The following ESRRG variants were observed in gnomAD, a reference collection of about 807,000 sequenced individuals.
The protein encoded by ESRRG is estrogen-related receptor gamma.
In ESRRG, 13 loss-of-function variants were observed where a neutral mutation model predicts 44.0. The ratio of observed to expected loss-of-function variants is 0.30; its 90% CI spans 0.19 to 0.47. The LOEUF (loss-of-function observed/expected upper bound fraction) is 0.47. Among genes scored for constraint, ESRRG ranks in the 20% least tolerant of loss-of-function variants. The pLI is 1.00. For missense variants in ESRRG, 395 were observed against 580.6 expected, an observed-to-expected ratio of 0.68 and a Z score of 3.29; for synonymous variants, 215 against 214.6, an observed-to-expected ratio of 1.00 and a Z score of -0.02.
chr1:216,564,482 A>T, intron 4 of ESRRG, 102 bp from the exon 5 acceptor site: 1 of 850,422 alleles, frequency 1.2e-6, no homozygotes. Context: ...CAAATATCCT[A>T]CAATAAACGC....
chr1:216,601,019 T>C (rs1303620643), intron 3 of ESRRG, among the ~76,000 whole-genome samples: 1 of 152,210 alleles, frequency 6.6e-6, no homozygotes, highest in African/African-American at 2.4e-5. Context: ...CCCGGTTCTC[T>C]GCCTGGATTG....
At position 216,506,372 on chromosome 1, in the gene ESRRG, C is replaced by T; in HGVS notation, c.*567G>A. The T allele has an allele frequency of 3.4e-6, 1 of 293,310 alleles. No individual in the cohort carries two copies. 18.2% of individuals were successfully genotyped at this position (293,310 alleles called of 1,614,324 possible). A position where few individuals can be genotyped will look rare whatever the true frequency, so the allele number is the denominator to read the frequency against. ...ATCCTTTGGCAGGGCTGGCTTCCAT[C>T]TCTCTTCAGTTAGAGACCTCTTTTA... is the stretch of plus-strand genomic sequence containing the variant. On this transcript the variant is annotated 3_prime_UTR_variant, in exon 7 of 7. Transcript: ENST00000408911.
intron 4 of ESRRG, among the ~76,000 whole-genome samples, chr1:216,564,597 T>C (rs1254661445): frequency 6.6e-6 from 1 of 152,124 alleles, no homozygotes; most frequent in Non-Finnish European, 1.5e-5. Context: ...AGTCTTTTTT[T>C]TTCTTCTTTG....
chr1:216,751,673 T>G (rs1576144720), intron 2 of ESRRG, among the ~76,000 whole-genome samples: 1 of 152,264 alleles, frequency 6.6e-6, no homozygotes, highest in Non-Finnish European at 1.5e-5. Context: ...AGTTCCTGTT[T>G]CTTCCCTGAT....
intron 3 of ESRRG, among the ~76,000 whole-genome samples, chr1:216,586,089 A>G (rs2063742975): frequency 6.6e-6 from 1 of 152,144 alleles, no homozygotes; most frequent in Non-Finnish European, 1.5e-5. Context: ...TCTTAGTAAA[A>G]ACAATATCCC....
intron 2 of ESRRG, among the ~76,000 whole-genome samples, chr1:216,771,235 T>G (rs2093366015): frequency 6.6e-6 from 1 of 152,102 alleles, no homozygotes; most frequent in Non-Finnish European, 1.5e-5. Flanking sequence ...CAGAAGAAAA[T>G]GATACTTGCT....
chr1:216,790,232 A>G (rs1576581314), intron 2 of ESRRG, among the ~76,000 whole-genome samples: 2 of 152,178 alleles, frequency 1.3e-5, no homozygotes, highest in Admixed American at 6.6e-5. Flanking sequence ...TTTACTCCAC[A>G]CTATTTTGGA....
chr1:216,569,598 G>T (rs932168745), intron 3 of ESRRG, among the ~76,000 whole-genome samples: 7 of 152,186 alleles, frequency 4.6e-5, no homozygotes, highest in African/African-American at 1.7e-4. Context: ...GTAAAGTTTA[G>T]CACAGGACCA....
chr1:216,582,491 G>T (rs1228992138), intron 3 of ESRRG, among the ~76,000 whole-genome samples: 1 of 152,084 alleles, frequency 6.6e-6, no homozygotes, highest in Admixed American at 6.5e-5. Context: ...ACCCAGGCTG[G>T]AATGCAGTGG....
chr1:217,038,348 A>G (rs1190508431), intron 1 of ESRRG, among the ~76,000 whole-genome samples: 3 of 152,306 alleles, frequency 2.0e-5, no homozygotes, highest in African/African-American at 7.2e-5. Context: ...ACTTTTGTGC[A>G]CCCACAGTCT....
At chr1:216,522,756 A>G (rs2046474707) in intron 5 of ESRRG, among the ~76,000 whole-genome samples, 1 of 152,200 alleles carries the variant, frequency 6.6e-6, no homozygotes, top group African/African-American at 2.4e-5. Context: ...AATGTATAAA[A>G]TTCTAAATAA....
At chr1:216,597,860 A>G (rs1349913146) in intron 3 of ESRRG, among the ~76,000 whole-genome samples, 1 of 152,234 alleles carries the variant, frequency 6.6e-6, no homozygotes, top group East Asian at 1.9e-4. Flanking sequence ...AGGGGACAGA[A>G]AATGAGTGAC....
At chr1:216,920,546 A>C (rs1202645616) in intron 2 of ESRRG, among the ~76,000 whole-genome samples, 2 of 152,290 alleles carry the variant, frequency 1.3e-5, no homozygotes, top group South Asian at 2.1e-4. Context: ...AGTTCACCAT[A>C]AAAGAAACAA....
intron 1 of ESRRG, among the ~76,000 whole-genome samples, chr1:217,137,087 C>G (rs549590202): frequency 1.3e-5 from 2 of 152,248 alleles, no homozygotes; most frequent in South Asian, 4.1e-4. Context: ...AGCCGGAGGA[C>G]AGTGGTGCTT....
chr1:217,031,175 T>A lies in ESRRG; in HGVS notation c.-106+58332A>T, dbSNP rs1384213043. On this transcript the variant is annotated intron_variant, in intron 1 of 7. Transcript: ENST00000359162. ...AAAAAACTATGTTGTAGAAACCATG[T>A]GTGACCAGTGAAGTCTGAAATATTT... is the stretch of plus-strand genomic sequence containing the variant. Among the ~76,000 whole-genome samples the A allele has an allele frequency of 2.0e-5, 3 of 152,256 alleles. No homozygotes were observed. The East Asian group carries it at 5.8e-4, about 29-fold the overall frequency.
At chr1:216,776,225 A>C (rs2093608517) in intron 2 of ESRRG, among the ~76,000 whole-genome samples, 1 of 152,114 alleles carries the variant, frequency 6.6e-6, no homozygotes, top group African/African-American at 2.4e-5. Context: ...ATTAATAACA[A>C]ACCATAATAA....
At chr1:217,093,196 G>C (rs372087457), upstream of ESRRG, among the ~76,000 whole-genome samples, 1 of 152,216 alleles carries the variant, frequency 6.6e-6, no homozygotes, top group African/African-American at 2.4e-5. Flanking sequence ...GCTGCTGCTA[G>C]TGCTCGCTGT....
At chr1:216,664,788 G>A (rs2073485314) in intron 2 of ESRRG, among the ~76,000 whole-genome samples, 1 of 151,672 alleles carries the variant, frequency 6.6e-6, no homozygotes, top group Non-Finnish European at 1.5e-5. Context: ...AAATTGTACT[G>A]CCGCTCTAGA....
intron 1 of ESRRG, among the ~76,000 whole-genome samples, chr1:216,998,737 A>G (rs1169060800): frequency 6.6e-6 from 1 of 152,240 alleles, no homozygotes; most frequent in Non-Finnish European, 1.5e-5. Context: ...ATAAAATTCT[A>G]TATCTCATAA....
Sources: allele counts gnomAD v4.1 joint callset (sites outside exome capture counted in the v4.1 genomes callset), GRCh38; gene constraint gnomAD v4.1.1; transcripts MANE v1.5; gene names NCBI Gene and HGNC (gene_info 2026-07-23, HGNC 2026-07-21).